Variants in TTC28 observed in about 807,000 individuals in gnomAD.
TTC28 encodes tetratricopeptide repeat protein 28.
A neutral mutation model predicts 198.0 loss-of-function variants in TTC28; 61 were observed. That is an observed-to-expected ratio of 0.31 (90% CI 0.25 to 0.38). TTC28 has a LOEUF of 0.38. Among genes scored for constraint, TTC28 ranks in the 10% least tolerant of loss-of-function variants. The pLI is 1.00. For synonymous variants in TTC28, 1,171 were observed against 1,297.8 expected, an observed-to-expected ratio of 0.90 and a Z score of 2.10; for missense variants, 2,678 against 3,164.0, an observed-to-expected ratio of 0.85 and a Z score of 3.69.
At chr22:27,990,947 A>T in intron 19 of TTC28, 135 bp from the exon 20 acceptor site, 1 of 843,532 alleles carries the variant, frequency 1.2e-6, no homozygotes, top group Non-Finnish European at 1.8e-6. Context: ...TCTGACTGGG[A>T]GGGGAGAGGA....
intron 13 of TTC28, among the ~76,000 whole-genome samples, chr22:28,018,645 G>C (rs1346844382): frequency 3.3e-5 from 5 of 152,152 alleles, no homozygotes; most frequent in Non-Finnish European, 7.4e-5. Context: ...AGCCACATGT[G>C]GCTGGTCCCC....
chr22:28,106,990 G>A (rs909132093), intron 7 of TTC28, 72 bp downstream of exon 7: 135 of 1,475,332 alleles, frequency 9.2e-5, no homozygotes, highest in Middle Eastern at 6.3e-4. Context: ...ATGCAGACAC[G>A]AAGTTGCCTT....
chr22:28,511,990 C>T (rs12159242), intron 2 of TTC28, among the ~76,000 whole-genome samples: 6 of 151,970 alleles, frequency 3.9e-5, no homozygotes, highest in African/African-American at 1.4e-4. Flanking sequence ...GCAAAAGAAT[C>T]TATCATCGGA....
intron 2 of TTC28, among the ~76,000 whole-genome samples, chr22:28,331,915 G>T (rs923710984): frequency 1.3e-5 from 2 of 152,036 alleles, no homozygotes; most frequent in Non-Finnish European, 2.9e-5. Context: ...CAATAAAGTG[G>T]ATTTATCCTG....
At chr22:28,573,548 A>T (rs1413608372) in intron 2 of TTC28, among the ~76,000 whole-genome samples, 1 of 151,992 alleles carries the variant, frequency 6.6e-6, no homozygotes, top group Non-Finnish European at 1.5e-5. Flanking sequence ...GTGAACAGTA[A>T]TTTTTTTCAA....
At position 28,620,089 on chromosome 22, in the gene TTC28, C is replaced by G. The variant is rs527708681; in HGVS notation, c.381+9463G>C. 5.9e-5 allele frequency among the ~76,000 whole-genome samples: 9 copies of G among 152,322 alleles called. No individual in the cohort carries two copies. In the East Asian group the frequency reaches 7.7e-4, roughly 13 times the overall value. On this transcript the variant is annotated intron_variant, in intron 2 of 22. Coordinates refer to ENST00000397906, the MANE Select transcript of TTC28 (RefSeq NM_001145418.2). ...AACATCGGCCGGGCACAGTGGCTCACGCCTGTAATCCCAGCACTCTGGGAG... is the reference window on the plus strand; with the variant it reads ...AACATCGGCCGGGCACAGTGGCTCAGGCCTGTAATCCCAGCACTCTGGGAG...
chr22:28,424,840 A>G (rs556618798), intron 2 of TTC28, among the ~76,000 whole-genome samples: 71 of 152,266 alleles, frequency 4.7e-4, no homozygotes, highest in Admixed American at 2.3e-3. Context: ...TTGCCATTCA[A>G]TTTTGCTACC....
At chr22:28,491,923 T>G (rs1003800660) in intron 2 of TTC28, among the ~76,000 whole-genome samples, 2 of 152,184 alleles carry the variant, frequency 1.3e-5, no homozygotes, top group African/African-American at 4.8e-5. Flanking sequence ...CGGAATATTA[T>G]GCAGCCATAA....
At chr22:28,473,847 G>A (rs766862281) in intron 2 of TTC28, among the ~76,000 whole-genome samples, 10 of 152,110 alleles carry the variant, frequency 6.6e-5, no homozygotes, top group Non-Finnish European at 1.3e-4. Context: ...CATACCTGGA[G>A]GAAAGACAAT....
At chr22:28,387,620 T>G (rs1004293305) in intron 2 of TTC28, among the ~76,000 whole-genome samples, 8 of 152,330 alleles carry the variant, frequency 5.3e-5, no homozygotes, top group Admixed American at 3.3e-4. Flanking sequence ...TCTCATGTGT[T>G]TTTTGGCTGC....
intron 2 of TTC28, among the ~76,000 whole-genome samples, chr22:28,523,180 C>T (rs1359185732): frequency 6.6e-6 from 1 of 151,956 alleles, no homozygotes; most frequent in Non-Finnish European, 1.5e-5. Flanking sequence ...CATGTAAACA[C>T]AAACCAAAAG....
intron 12 of TTC28, among the ~76,000 whole-genome samples, chr22:28,045,033 T>G (rs1939808796): frequency 6.6e-6 from 1 of 152,174 alleles, no homozygotes; most frequent in African/African-American, 2.4e-5. Context: ...CATTACTTGT[T>G]GTCTTATTTT....
At chr22:28,020,168 G>C (rs980895768) in intron 13 of TTC28, among the ~76,000 whole-genome samples, 1 of 152,204 alleles carries the variant, frequency 6.6e-6, no homozygotes, top group Admixed American at 6.5e-5. Context: ...TGGGGGCTGC[G>C]GCTCCGGGCT....
In TTC28 at chr22:28,678,768, C is replaced by A. The variant is rs529339846; in HGVS notation, c.102+854G>T. ...ATCTACAGTGTGTCAGGCACCATGC[C>A]AGGTACCAAGATGCCATGGTGAGGT... On this transcript the variant is annotated intron_variant, in intron 1 of 22. Coordinates refer to ENST00000397906, the MANE Select transcript of TTC28 (RefSeq NM_001145418.2). 2.8e-4 allele frequency among the ~76,000 whole-genome samples: 43 copies of A among 152,284 alleles called. No individual in the cohort carries two copies. In the East Asian group the frequency reaches 8.1e-3, roughly 29 times the overall value.
chr22:28,619,838 G>A (rs553393096), intron 2 of TTC28, among the ~76,000 whole-genome samples: 40 of 152,180 alleles, frequency 2.6e-4, no homozygotes, highest in African/African-American at 8.9e-4. Context: ...GTAAAGCCAG[G>A]GTGGAAAAAT....
intron 2 of TTC28, among the ~76,000 whole-genome samples, chr22:28,487,808 T>C (rs1026931242): frequency 3.9e-5 from 6 of 152,202 alleles, no homozygotes; most frequent in Admixed American, 6.5e-5. Context: ...CAAGTCCTCA[T>C]TTTTGGAAAT....
In TTC28 at chr22:28,012,467, C is replaced by T. The variant is rs1451795118; in HGVS notation, c.4218+1781G>A. On this transcript the variant is annotated intron_variant, in intron 14 of 22. Coordinates refer to ENST00000397906, the MANE Select transcript of TTC28 (RefSeq NM_001145418.2). ...TATCTGGGCACAAGAAGCCACTGCTCGCCAGGCACACATTCACTGCTGCTG... is the reference window on the plus strand; with the variant it reads ...TATCTGGGCACAAGAAGCCACTGCTTGCCAGGCACACATTCACTGCTGCTG... Among the ~76,000 whole-genome samples the T allele has an allele frequency of 3.3e-5, 5 of 152,172 alleles. No individual in the cohort carries two copies. In the East Asian group the frequency reaches 5.8e-4, roughly 18 times the overall value.
chr22:28,431,462 A>G (rs2047428421), intron 2 of TTC28, among the ~76,000 whole-genome samples: 1 of 152,172 alleles, frequency 6.6e-6, no homozygotes, highest in African/African-American at 2.4e-5. Flanking sequence ...GTAAGATTAT[A>G]CCTCTGTGCC....
chr22:28,235,532 A>G (rs1028784542), intron 5 of TTC28, among the ~76,000 whole-genome samples: 1 of 152,242 alleles, frequency 6.6e-6, no homozygotes, highest in East Asian at 1.9e-4. Flanking sequence ...GCCCTGTCAG[A>G]TAAGAAAACA....
Sources: gnomAD v4.1 joint callset for allele counts (sites outside exome capture counted in the v4.1 genomes callset) on GRCh38, gnomAD v4.1.1 for gene constraint, MANE v1.5 for transcripts, NCBI Gene and HGNC (gene_info 2026-07-23, HGNC 2026-07-21) for gene names.